Variants in CUBN observed in about 807,000 individuals in gnomAD.
CUBN encodes the protein cubilin, also known as 460 kDa receptor.
In CUBN, 282 loss-of-function variants were observed where a neutral mutation model predicts 405.3. The observed-to-expected ratio is 0.70, with a 90% CI of 0.63 to 0.77. The LOEUF is 0.77. CUBN is among the 30% of genes least tolerant of loss of function. CUBN has a pLI of 0.00. For missense variants in CUBN, 4,514 were observed against 4,475.2 expected (o/e 1.01, Z -0.25); for synonymous variants, 1,684 against 1,617.0 (o/e 1.04, Z -0.99).
chr10:16,827,025 T>C (rs1356408280), intron 66 of CUBN, among the ~76,000 whole-genome samples: 6 of 152,220 alleles, frequency 3.9e-5, no homozygotes, highest in African/African-American at 1.4e-4. Flanking sequence ...GGGGTCTCTC[T>C]CTCTGTGGGC....
At chr10:16,895,635 A>G (rs1040087398) in intron 54 of CUBN, among the ~76,000 whole-genome samples, 6 of 152,120 alleles carry the variant, frequency 3.9e-5, no homozygotes, top group African/African-American at 1.4e-4. Context: ...TCCTTTTATC[A>G]TTATGTAAGA....
At chr10:17,108,563 T>G (rs149773319) in intron 10 of CUBN, among the ~76,000 whole-genome samples, 4 of 152,242 alleles carry the variant, frequency 2.6e-5, no homozygotes, top group African/African-American at 7.2e-5. Flanking sequence ...AGATCTCTAT[T>G]TGATGCTACG....
intron 14 of CUBN, among the ~76,000 whole-genome samples, chr10:17,093,604 C>A (rs1281457546): frequency 6.6e-6 from 1 of 151,928 alleles, no homozygotes; most frequent in Admixed American, 6.6e-5. Context: ...ATAATATAAT[C>A]CAGAACCCCT....
chr10:16,983,013 T>G (rs1278572062), intron 30 of CUBN, among the ~76,000 whole-genome samples: 1 of 152,186 alleles, frequency 6.6e-6, no homozygotes, highest in Admixed American at 6.5e-5. Flanking sequence ...CTTCCAAGAA[T>G]TGTGATAATC....
At chr10:17,014,188 T>C (rs781292830) in intron 28 of CUBN, among the ~76,000 whole-genome samples, 14 of 152,210 alleles carry the variant, frequency 9.2e-5, no homozygotes, top group Admixed American at 2.0e-4. Flanking sequence ...ATTGCTACTA[T>C]ATCAATTTTC....
chr10:17,045,278 T>C, intron 24 of CUBN, 90 bp from the exon 25 acceptor site: 1 of 1,246,552 alleles, frequency 8.0e-7, no homozygotes, highest in Non-Finnish European at 1.2e-6. Flanking sequence ...GCCATTCTAC[T>C]ATCCTTTAAA....
At chr10:16,888,650 A>C in intron 55 of CUBN, 84 bp from the exon 56 acceptor site, 2 of 1,151,890 alleles carry the variant, frequency 1.7e-6, no homozygotes, top group Non-Finnish European at 1.3e-6. Context: ...CATTTTCCTA[A>C]ATTATCTATA....
intron 31 of CUBN, chr10:16,965,796 T>C: frequency 6.9e-6 from 2 of 290,290 alleles, no homozygotes; most frequent in East Asian, 1.1e-4. Flanking sequence ...CAAATACTTA[T>C]CTGAACCAGA....
chr10:16,918,861 AACCTTACTT>A (rs1841961417), intron 44 of CUBN, 61 bp from the exon 45 acceptor site: 1 of 1,410,488 alleles, frequency 7.1e-7, no homozygotes, highest in Admixed American at 1.8e-5. Flanking sequence ...TGATAATGAC[AACCTTACTT>A]ACTTTCTTTG....
At chr10:16,926,094 A>G (rs1842181340) in intron 41 of CUBN, among the ~76,000 whole-genome samples, 1 of 152,216 alleles carries the variant, frequency 6.6e-6, no homozygotes, top group African/African-American at 2.4e-5. Flanking sequence ...GATAAATTCT[A>G]TAAAGAAAAA....
rs769531664 is a variant in CUBN at position 17,045,079 on chromosome 10, G to T, written c.3600C>A (p.Gly1200=). ...ECYWWLKSSH[G]SAFELEFKDF... ...CTTTGAATTCCAGTTCAAATGCGCT[G>T]CCGTGGCTAGATTTCAACCACCAGT... is the stretch of plus-strand genomic sequence containing the variant. Residue 1200 remains glycine (G), a synonymous_variant, in exon 25 of 67, where the codon GGC becomes GGA. Coordinates refer to ENST00000377833, the MANE Select transcript of CUBN (RefSeq NM_001081.4). 3.7e-6 allele frequency: 6 copies of T among 1,614,090 alleles called. No homozygotes were observed. Among genetic ancestry groups the T allele is most frequent in the Non-Finnish European group, 5.1e-6 (6 of 1,180,004 alleles).
At chr10:16,990,190 T>C (rs916750636) in intron 29 of CUBN, 144 bp downstream of exon 29, 2 of 833,222 alleles carry the variant, frequency 2.4e-6, no homozygotes, top group Admixed American at 3.9e-5. Flanking sequence ...GTCTACCAAA[T>C]GATCACCGAA....
rs149507036 is a variant in CUBN, at chr10:16,918,625, T to C, written c.6997A>G (p.Ile2333Val). The C allele has an allele frequency of 6.0e-4, 971 of 1,612,620 alleles. 4 individuals carry two copies. The African/African-American group carries it at 0.012, about 19-fold the overall frequency. The part of the protein sequence containing the change: ...THVGFKAKYS[I>V]AQCGGRVPGQ... ...AAAGTTTTAAAAAAATTATTACCTA[T>C]AGAATACTTGGCCTTGAATCCCACA... The change falls in exon 45 of 67, where the codon ATA becomes GTA. Residue 2333 changes from isoleucine to valine, a missense_variant. Ile to Val is a conservative substitution (Grantham distance 29). Around this residue, in one of 5 missense-constraint regions of CUBN, gnomAD observed 1,613 missense variants for 1,542.8 expected, o/e 1.05. Coordinates refer to ENST00000377833, the MANE Select transcript of CUBN (RefSeq NM_001081.4).
intron 17 of CUBN, among the ~76,000 whole-genome samples, chr10:17,080,494 C>T (rs1282057791): frequency 1.3e-5 from 2 of 152,174 alleles, no homozygotes; most frequent in East Asian, 1.9e-4. Context: ...AACAACTTCT[C>T]GAAAGCCCTT....
rs555249326 is a variant in CUBN, at chr10:17,119,196, A to G, written c.593+3599T>C. ...GCATGATGTAAAATCTACCAGTGAT[A>G]TGAATGGAAATAAGTGAAATAAAAT... On this transcript the variant is annotated intron_variant, in intron 6 of 66. Coordinates refer to ENST00000377833, the MANE Select transcript of CUBN (RefSeq NM_001081.4). Among the ~76,000 whole-genome samples, 4 of 152,370 alleles carry G rather than the reference A, an allele frequency of 2.6e-5. No homozygotes were observed. In the South Asian group the frequency reaches 8.3e-4, roughly 32 times the overall value.
intron 59 of CUBN, among the ~76,000 whole-genome samples, chr10:16,860,935 T>C (rs1265461219): frequency 6.6e-6 from 1 of 152,198 alleles, no homozygotes; most frequent in East Asian, 1.9e-4. Flanking sequence ...GACCAGATGA[T>C]AGCACGCTCC....
chr10:16,842,681 T>A (rs1296284575), intron 60 of CUBN, among the ~76,000 whole-genome samples: 1 of 152,242 alleles, frequency 6.6e-6, no homozygotes, highest in Non-Finnish European at 1.5e-5. Context: ...ACTGCCTGCA[T>A]GTCTGCAAAC....
rs754296666 is a variant in CUBN, at chr10:17,085,625, G to A, written c.2082C>T (p.Gly694=). Residue 694 remains glycine (G), a synonymous_variant, in exon 16 of 67, where the codon GGC becomes GGT. Coordinates refer to ENST00000377833, the MANE Select transcript of CUBN (RefSeq NM_001081.4). The part of the protein sequence containing the change: ...FHSDSQISDQ[G]FHITYLTSPS... Reference sequence around the variant, plus strand: ...GTGATGTTAAGTAGGTGATATGGAAGCCTTGGTCACTAATCTGGGAGTCTG... The same window carrying A: ...GTGATGTTAAGTAGGTGATATGGAAACCTTGGTCACTAATCTGGGAGTCTG... The A allele has an allele frequency of 4.3e-6, 7 of 1,614,174 alleles. No homozygotes were observed. The highest frequency in any genetic ancestry group is 3.3e-5 in the Admixed American group (2 of 60,030).
At chr10:16,843,008 A>G (rs573559873) in intron 60 of CUBN, among the ~76,000 whole-genome samples, 2 of 152,330 alleles carry the variant, frequency 1.3e-5, no homozygotes, top group East Asian at 3.9e-4. Flanking sequence ...TTGCCCTCCC[A>G]TAGCATCATC....
Sources: gnomAD v4.1 joint callset for allele counts (sites outside exome capture counted in the v4.1 genomes callset) on GRCh38, gnomAD v4.1.1 for gene constraint, gnomAD v4.1.1 regional missense constraint, MANE v1.5 for transcripts, NCBI Gene and HGNC (gene_info 2026-07-23, HGNC 2026-07-21) for gene names.